The following ERG variants were observed in gnomAD, a reference collection of about 807,000 sequenced individuals.
The protein encoded by ERG is transcriptional regulator ERG.
A neutral mutation model predicts 55.3 loss-of-function variants in ERG; 9 were observed. The observed-to-expected ratio is 0.16, with a 90% CI of 0.10 to 0.28. The LOEUF (loss-of-function observed/expected upper bound fraction) is 0.28, where lower values mean the gene tolerates loss of function less well. ERG is among the 10% of genes least tolerant of loss of function. ERG has a pLI of 1.00. For synonymous variants in ERG, 223 were observed against 237.3 expected, an observed-to-expected ratio of 0.94 and a Z score of 0.55; for missense variants, 434 against 631.6, an observed-to-expected ratio of 0.69 and a Z score of 3.35.
chr21:38,440,782 T>G (rs1601405997), intron 2 of ERG, among the ~76,000 whole-genome samples: 1 of 78,006 alleles, frequency 1.3e-5, no homozygotes, highest in Non-Finnish European at 2.4e-5. Flanking sequence ...AGAGCAAAAC[T>G]GTCTCAAAAA....
At position 38,441,651 on chromosome 21, in the gene ERG, C is replaced by T. The variant is rs542529717; in HGVS notation, c.236+3753G>A. Among the ~76,000 whole-genome samples the T allele has an allele frequency of 2.6e-5, 4 of 152,318 alleles. No individual in the cohort carries two copies. The East Asian group carries it at 7.7e-4, about 29-fold the overall frequency. On this transcript the variant is annotated intron_variant, in intron 2 of 9. Transcript: ENST00000288319. Reference sequence around the variant, plus strand: ...GGCATGAGCTCTGTATCTTTCTCTTCTACAAAGGGGATTAGTGTCAGCCAC... The same window carrying T: ...GGCATGAGCTCTGTATCTTTCTCTTTTACAAAGGGGATTAGTGTCAGCCAC...
intron 2 of ERG, among the ~76,000 whole-genome samples, chr21:38,516,634 GC>G (rs1413483462): frequency 1.3e-5 from 2 of 151,654 alleles, no homozygotes; most frequent in African/African-American, 4.8e-5. Context: ...TTATATGAAA[GC>G]AAAAAGGAGC....
chr21:38,400,398 A>G (rs1300457295), intron 6 of ERG, 176 bp downstream of exon 6: 1 of 727,372 alleles, frequency 1.4e-6, no homozygotes, highest in Non-Finnish European at 2.5e-6. Flanking sequence ...TGGTCTTTGA[A>G]TGAAATGGTT....
At chr21:38,430,220 G>A (rs1308127522) in intron 2 of ERG, among the ~76,000 whole-genome samples, 2 of 151,882 alleles carry the variant, frequency 1.3e-5, no homozygotes, top group Non-Finnish European at 2.9e-5. Flanking sequence ...TTCTTCTTTT[G>A]AGAATTGTCT....
chr21:38,565,796 C>T (rs1371687721), intron 2 of ERG, among the ~76,000 whole-genome samples: 1 of 152,208 alleles, frequency 6.6e-6, no homozygotes, highest in Non-Finnish European at 1.5e-5. Flanking sequence ...TGTAACTATT[C>T]CCTTGAGCAC....
intron 1 of ERG, among the ~76,000 whole-genome samples, chr21:38,612,512 T>C (rs972738022): frequency 6.6e-6 from 1 of 152,296 alleles, no homozygotes; most frequent in East Asian, 1.9e-4. Context: ...TCTGTACATA[T>C]TAAATCCTAA....
chr21:38,655,045 T>C (rs1304170189), intron 1 of ERG, among the ~76,000 whole-genome samples: 1 of 152,248 alleles, frequency 6.6e-6, no homozygotes, highest in Non-Finnish European at 1.5e-5. Context: ...AAAAGTTTTA[T>C]GTTGAGATTG....
chr21:38,438,546 T>A (rs2058811835), intron 2 of ERG, among the ~76,000 whole-genome samples: 4 of 152,210 alleles, frequency 2.6e-5, no homozygotes, highest in Admixed American at 2.6e-4. Flanking sequence ...ATAACATCTA[T>A]AAAACATCCT....
At chr21:38,585,530 TTC>T (rs1268626810), upstream of ERG, among the ~76,000 whole-genome samples, 3 of 122,868 alleles carry the variant, frequency 2.4e-5, no homozygotes, top group African/African-American at 9.6e-5. Flanking sequence ...CCTCTCTCTC[TTC>T]TTTTTTTTTT....
intron 1 of ERG, among the ~76,000 whole-genome samples, chr21:38,447,031 A>G (rs1189815915): frequency 6.6e-6 from 1 of 152,098 alleles, no homozygotes; most frequent in Admixed American, 6.5e-5. Context: ...ACACCCTAGA[A>G]GCAGCCCTTC....
At chr21:38,516,319 C>A (rs1186828079) in intron 2 of ERG, among the ~76,000 whole-genome samples, 10 of 151,650 alleles carry the variant, frequency 6.6e-5, no homozygotes, top group Admixed American at 6.6e-4. Context: ...TTTATATACC[C>A]AATAATGCAC....
intron 1 of ERG, among the ~76,000 whole-genome samples, chr21:38,656,590 AG>A (rs1244227553): frequency 6.6e-6 from 1 of 152,186 alleles, no homozygotes; most frequent in Non-Finnish European, 1.5e-5. Flanking sequence ...TAAGTACTTT[AG>A]TGAGCCCCAA....
intron 2 of ERG, among the ~76,000 whole-genome samples, chr21:38,426,748 T>C (rs2146511878): frequency 6.7e-6 from 1 of 149,970 alleles, no homozygotes; most frequent in African/African-American, 2.5e-5. Flanking sequence ...CTGACCAACA[T>C]GGAAAAACCC....
At position 38,618,282 on chromosome 21, in the gene ERG, G is replaced by C. The variant is rs192591113; in HGVS notation, c.-149-33337C>G. Among the ~76,000 whole-genome samples the C allele has an allele frequency of 2.6e-5, 4 of 151,050 alleles. No individual in the cohort carries two copies. In the East Asian group the frequency reaches 7.8e-4, roughly 30 times the overall value. ...ATGAAACAGGGCAGATGATCATCTC[G>C]GAACGAACAGGTGCATTCAGGAAAG... On this transcript the variant is annotated intron_variant, in intron 1 of 10. Transcript: ENST00000398910.
At chr21:38,622,397 C>G (rs1453635975) in intron 1 of ERG, among the ~76,000 whole-genome samples, 1 of 142,536 alleles carries the variant, frequency 7.0e-6, no homozygotes, top group Non-Finnish European at 1.5e-5. Context: ...ACACACCACA[C>G]ACACTACATG....
chr21:38,609,918 C>T (rs758472780), intron 1 of ERG, among the ~76,000 whole-genome samples: 2 of 152,144 alleles, frequency 1.3e-5, no homozygotes, highest in African/African-American at 4.8e-5. Context: ...TGGTCAAAGG[C>T]GTTTTTCGTT....
rs2084180968 is a variant in ERG at position 38,429,229 on chromosome 21, G to A, written c.237-5668C>T. ...AATGCCATTTTCTTCCTTTTCATGG[G>A]TGCATAGTATTCCATGGTGTGTGTG... On this transcript the variant is annotated intron_variant, in intron 2 of 9. Transcript: ENST00000288319. Among the ~76,000 whole-genome samples the A allele has an allele frequency of 3.3e-5, 5 of 151,704 alleles. No individual in the cohort carries two copies. The South Asian group carries it at 1.0e-3, about 32-fold the overall frequency.
chr21:38,631,452 G>C (rs1283876896), intron 1 of ERG, among the ~76,000 whole-genome samples: 2 of 152,106 alleles, frequency 1.3e-5, no homozygotes, highest in African/African-American at 4.8e-5. Flanking sequence ...TGCTTTTAGT[G>C]GTAACTGAAC....
intron 2 of ERG, among the ~76,000 whole-genome samples, chr21:38,566,211 G>A (rs2059921927): frequency 6.6e-6 from 1 of 152,148 alleles, no homozygotes; most frequent in African/African-American, 2.4e-5. Flanking sequence ...AAAAGAAGGT[G>A]AAGATTAAAC....
Sources: allele counts gnomAD v4.1 joint callset (sites outside exome capture counted in the v4.1 genomes callset), GRCh38; gene constraint gnomAD v4.1.1; transcripts MANE v1.5; gene names NCBI Gene and HGNC (gene_info 2026-07-23, HGNC 2026-07-21).